The following MAD1L1 variants were observed in gnomAD, a reference collection of about 807,000 sequenced individuals.
MAD1L1 encodes the protein mitotic arrest deficient 1 like 1, also known as mitotic spindle assembly checkpoint protein MAD1.
MAD1L1 carries 95 observed loss-of-function variants against 96.9 expected under a neutral mutation model. The ratio of observed to expected loss-of-function variants is 0.98; its 90% CI spans 0.83 to 1.16. MAD1L1 has a LOEUF of 1.16. Among genes scored for constraint, MAD1L1 ranks in the 50% most tolerant of loss-of-function variants. The pLI, the probability that MAD1L1 is intolerant of heterozygous loss-of-function variation, is 0.00. For missense variants in MAD1L1, 1,007 were observed against 954.4 expected, an observed-to-expected ratio of 1.06 and a Z score of -0.73; for synonymous variants, 473 against 396.6, an observed-to-expected ratio of 1.19 and a Z score of -2.29.
At chr7:2,158,013 A>C (rs1789922388) in intron 10 of MAD1L1, among the ~76,000 whole-genome samples, 1 of 152,256 alleles carries the variant, frequency 6.6e-6, no homozygotes, top group East Asian at 1.9e-4. Context: ...CAGGAGCCTC[A>C]GCTCGGAGAT....
At chr7:2,188,016 T>A (rs1241883264) in intron 10 of MAD1L1, among the ~76,000 whole-genome samples, 1 of 152,246 alleles carries the variant, frequency 6.6e-6, no homozygotes, top group Admixed American at 6.5e-5. Context: ...GACTTTTCAA[T>A]AACTTGTGGT....
rs770825464 is a variant in MAD1L1, at chr7:2,103,051, G to T, written c.1074-33713C>A. ...TGATGCTGCCAACACCTGGGTCAGC[G>T]CTGGGTCAGGCCTGGCCACGCTGCC... On this transcript the variant is annotated intron_variant, in intron 11 of 18. Transcript: ENST00000265854. The surrounding 1 kb of genome is among the most constrained non-coding windows in gnomAD (Gnocchi z 4.3). Among the ~76,000 whole-genome samples, 3 of 152,208 alleles carry T rather than the reference G, an allele frequency of 2.0e-5. No homozygotes were observed. The South Asian group carries it at 6.2e-4, about 31-fold the overall frequency.
chr7:1,857,769 C>G (rs192970378), intron 18 of MAD1L1, among the ~76,000 whole-genome samples: 1 of 152,210 alleles, frequency 6.6e-6, no homozygotes, highest in South Asian at 2.1e-4. Flanking sequence ...GAGGCCTGCC[C>G]GGCTAGGCCA....
chr7:2,078,449 C>G (rs1785483499), intron 11 of MAD1L1, among the ~76,000 whole-genome samples: 1 of 152,208 alleles, frequency 6.6e-6, no homozygotes, highest in African/African-American at 2.4e-5. Context: ...TCCTCCCCTG[C>G]CCCACGCTCA....
intron 3 of MAD1L1, among the ~76,000 whole-genome samples, chr7:2,226,221 G>C (rs1793887246): frequency 6.6e-6 from 1 of 152,220 alleles, no homozygotes; most frequent in Admixed American, 6.5e-5. Context: ...ACAGATCTTA[G>C]ACCTTAATTA....
At chr7:1,989,801 C>T (rs1781325707) in intron 14 of MAD1L1, among the ~76,000 whole-genome samples, 1 of 152,184 alleles carries the variant, frequency 6.6e-6, no homozygotes, top group Non-Finnish European at 1.5e-5. Context: ...GCCGGCTGGC[C>T]CCATGTTCCT....
chr7:2,218,807 G>A (rs1031491568), intron 6 of MAD1L1, among the ~76,000 whole-genome samples: 2 of 152,152 alleles, frequency 1.3e-5, no homozygotes, highest in Admixed American at 6.5e-5. Context: ...GGCCGAGGCA[G>A]GAGAATCACT....
rs545765507 is a variant in MAD1L1, at chr7:1,865,580, G to A, written c.1998+32620C>T. Among the ~76,000 whole-genome samples the A allele has an allele frequency of 2.0e-5, 3 of 152,386 alleles. No homozygotes were observed. In the East Asian group the frequency reaches 5.8e-4, roughly 29 times the overall value. On this transcript the variant is annotated intron_variant, in intron 18 of 18. Coordinates refer to ENST00000265854, the MANE Select transcript of MAD1L1 (RefSeq NM_001013836.2). ...GTCTTTTTACGATGCAGGGAGGACT[G>A]GAGACCTGAGAAGGGATACTCAATA...
At chr7:2,222,925 C>T (rs982905282) in intron 4 of MAD1L1, among the ~76,000 whole-genome samples, 171 bp from the exon 5 acceptor site, 2 of 152,226 alleles carry the variant, frequency 1.3e-5, no homozygotes, top group African/African-American at 2.4e-5. Flanking sequence ...CCAGCCCCAG[C>T]GTTGGCACCC....
chr7:1,891,873 G>A (rs907786404), intron 18 of MAD1L1, among the ~76,000 whole-genome samples: 3 of 152,196 alleles, frequency 2.0e-5, no homozygotes, highest in South Asian at 2.1e-4. Context: ...AGGCCACTGT[G>A]CCCAGCCATT....
chr7:2,167,612 T>C lies in MAD1L1; in HGVS notation c.987-18374A>G, dbSNP rs527465079. ...CGTGCATGGTGGTGGGCACCTGTAATCCAGCTACTCAGGAGGCTGAGGTGG... is the reference window on the plus strand; with the variant it reads ...CGTGCATGGTGGTGGGCACCTGTAACCCAGCTACTCAGGAGGCTGAGGTGG... On this transcript the variant is annotated intron_variant, in intron 10 of 18. Coordinates refer to ENST00000265854, the MANE Select transcript of MAD1L1 (RefSeq NM_001013836.2). 2.5e-3 allele frequency among the ~76,000 whole-genome samples: 382 copies of C among 151,814 alleles called. 1 individual carries two copies. Among genetic ancestry groups the C allele is most frequent in the African/African-American group, 8.8e-3 (365 of 41,404 alleles).
At chr7:1,943,872 C>G (rs1420331855) in intron 16 of MAD1L1, among the ~76,000 whole-genome samples, 4 of 152,144 alleles carry the variant, frequency 2.6e-5, no homozygotes, top group African/African-American at 9.7e-5. Flanking sequence ...TGTGGCCGTG[C>G]AGACAGTGGG....
At position 2,069,225 on chromosome 7, in the gene MAD1L1, C is replaced by A. The variant is rs200697577; in HGVS notation, c.1187G>T (p.Arg396Met). 2.5e-5 allele frequency: 41 copies of A among 1,608,886 alleles called. No individual in the cohort carries two copies. Among genetic ancestry groups the A allele is most frequent in the Non-Finnish European group, 5.1e-6 (6 of 1,178,008 alleles). ...KRETHEALAR[R>M]LQKRVLLLTK... ...GAGCAGCAGGACCCGTTTCTGGAGC[C>A]TCCGGGCCAGCGCCTCGTGGGTCTC... Residue 396 changes from arginine (R) to methionine (M), a missense_variant, in exon 12 of 19, where the codon AGG becomes ATG. By Grantham distance (91) the Arg-to-Met change is moderately conservative. Coordinates refer to ENST00000265854, the MANE Select transcript of MAD1L1 (RefSeq NM_001013836.2).
chr7:1,842,095 CT>C (rs1012383975), intron 18 of MAD1L1, among the ~76,000 whole-genome samples: 1 of 151,708 alleles, frequency 6.6e-6, no homozygotes, highest in African/African-American at 2.4e-5. Flanking sequence ...AGGGAATTTT[CT>C]TTTTTTTTCT....
At chr7:1,927,531 C>T (rs780270353) in intron 17 of MAD1L1, among the ~76,000 whole-genome samples, 36 of 152,250 alleles carry the variant, frequency 2.4e-4, no homozygotes, top group Middle Eastern at 3.4e-3. Flanking sequence ...GAAAGAGACC[C>T]CCATAACGCA....
intron 12 of MAD1L1, among the ~76,000 whole-genome samples, chr7:2,018,532 G>T (rs530426850): frequency 8.9e-4 from 136 of 152,228 alleles, no homozygotes; most frequent in African/African-American, 3.2e-3. Context: ...TGAGGCAGGC[G>T]CCCAGCACTC....
intron 10 of MAD1L1, among the ~76,000 whole-genome samples, chr7:2,212,988 G>C (rs1218504087): frequency 6.6e-6 from 1 of 152,246 alleles, no homozygotes; most frequent in Non-Finnish European, 1.5e-5. Context: ...TTCCGCTTCT[G>C]AATGAAGATG....
At chr7:1,822,768 C>G (rs13239969) in intron 18 of MAD1L1, among the ~76,000 whole-genome samples, 49,589 of 145,096 alleles carry the variant, frequency 0.34, 9,079 homozygotes, top group Non-Finnish European at 0.42. Flanking sequence ...CAAGATTATT[C>G]TAAAATGTAT....
chr7:2,044,910 C>A (rs186209888), intron 12 of MAD1L1, among the ~76,000 whole-genome samples: 1 of 152,304 alleles, frequency 6.6e-6, no homozygotes, highest in African/African-American at 2.4e-5. Context: ...AAACCCGAGC[C>A]CCGGGCCAGG....
Sources: allele counts gnomAD v4.1 joint callset (sites outside exome capture counted in the v4.1 genomes callset), GRCh38; gene constraint gnomAD v4.1.1; non-coding constraint Gnocchi (gnomAD v3.1); transcripts MANE v1.5; gene names NCBI Gene and HGNC (gene_info 2026-07-23, HGNC 2026-07-21).